Variants in RUNDC3B observed in about 807,000 individuals in gnomAD.
RUNDC3B encodes the protein RUN domain containing 3B, also known as RUN domain-containing protein 3B.
In RUNDC3B, 33 loss-of-function variants were observed where a neutral mutation model predicts 58.4. The observed-to-expected ratio is 0.56, with a 90% CI of 0.43 to 0.75. The LOEUF (loss-of-function observed/expected upper bound fraction) is 0.75, where lower values mean the gene tolerates loss of function less well. Ranked by LOEUF, RUNDC3B falls within the 30% of genes least tolerant of loss-of-function variation. The pLI is 0.00. For synonymous variants in RUNDC3B, 193 were observed against 195.2 expected (o/e 0.99, Z 0.10); for missense variants, 501 against 535.7 (o/e 0.94, Z 0.64).
chr7:87,678,637 A>T (rs1017227498), intron 2 of RUNDC3B, among the ~76,000 whole-genome samples: 1 of 152,238 alleles, frequency 6.6e-6, no homozygotes, highest in Non-Finnish European at 1.5e-5. Context: ...TAAGCACTCC[A>T]ATTAAAAGAG....
At chr7:87,768,466 CACA>C (rs780358031) in intron 6 of RUNDC3B, among the ~76,000 whole-genome samples, 2 of 152,242 alleles carry the variant, frequency 1.3e-5, no homozygotes, top group Non-Finnish European at 2.9e-5. Context: ...CCTGAATCTG[CACA>C]ACGAGTATCG....
intron 4 of RUNDC3B, among the ~76,000 whole-genome samples, chr7:87,715,549 A>G (rs1269898208): frequency 7.2e-6 from 1 of 139,096 alleles, no homozygotes. Context: ...TAATATATTA[A>G]TATAATATAT....
chr7:87,705,613 A>T (rs1396143618), intron 3 of RUNDC3B, among the ~76,000 whole-genome samples: 1 of 152,154 alleles, frequency 6.6e-6, no homozygotes, highest in African/African-American at 2.4e-5. Flanking sequence ...TATTTCTGTC[A>T]TATGCAGGTG....
chr7:87,815,405 G>A (rs748479575), intron 9 of RUNDC3B, among the ~76,000 whole-genome samples: 8 of 152,078 alleles, frequency 5.3e-5, no homozygotes, highest in Non-Finnish European at 1.0e-4. Flanking sequence ...TATGTAAAAT[G>A]TAACACCAAA....
intron 2 of RUNDC3B, among the ~76,000 whole-genome samples, chr7:87,674,154 C>T (rs925618783): frequency 3.3e-5 from 5 of 152,180 alleles, no homozygotes; most frequent in African/African-American, 4.8e-5. Flanking sequence ...ACCACTTCAT[C>T]GAGGTGGTGG....
chr7:87,703,913 G>GTTTTTTTTTTTTTTTTTTTTTTTTTTTT (rs1829340053), intron 3 of RUNDC3B, among the ~76,000 whole-genome samples: 1 of 31,286 alleles, frequency 3.2e-5, no homozygotes, highest in Non-Finnish European at 6.0e-5. Flanking sequence ...TTTTTTTTTT[G>GTTTTTTTTTTTTTTTTTTTTTTTTTTTT]GTTTTTTTTT....
chr7:87,807,171 C>G (rs1836479247), intron 8 of RUNDC3B, among the ~76,000 whole-genome samples: 1 of 151,844 alleles, frequency 6.6e-6, no homozygotes, highest in Admixed American at 6.6e-5. Context: ...TTTGTTGTAA[C>G]CAGCGGAAAA....
intron 2 of RUNDC3B, among the ~76,000 whole-genome samples, chr7:87,680,621 C>A (rs1444641461): frequency 6.7e-6 from 1 of 149,972 alleles, no homozygotes; most frequent in East Asian, 2.0e-4. Context: ...GGTGAAACCC[C>A]GTTTCTACCA....
chr7:87,646,732 G>A lies in RUNDC3B; in HGVS notation c.123-4090G>A, dbSNP rs535320880. The stretch of plus-strand genomic sequence containing the variant: ...CTGTACTTATTATTTCTTATTAAAA[G>A]TTTGCCAGGGATTGGCAGCATTATT... On this transcript the variant is annotated intron_variant, in intron 1 of 10. Coordinates refer to ENST00000394654, the MANE Select transcript of RUNDC3B (RefSeq NM_001134405.2). Among the ~76,000 whole-genome samples the A allele has an allele frequency of 5.9e-5, 9 of 152,118 alleles. No homozygotes were observed. The East Asian group carries it at 1.5e-3, about 26-fold the overall frequency.
chr7:87,723,429 T>A (rs1456499860), intron 4 of RUNDC3B, among the ~76,000 whole-genome samples: 1 of 152,186 alleles, frequency 6.6e-6, no homozygotes, highest in Non-Finnish European at 1.5e-5. Context: ...AGTAAATAAG[T>A]TATAACTACC....
In RUNDC3B at chr7:87,688,178, T is replaced by C. The variant is rs2130629333; in HGVS notation, c.239-12243T>C. Among the ~76,000 whole-genome samples the C allele has an allele frequency of 1.3e-5, 2 of 152,228 alleles. 1 individual carries two copies. ...GGAAAGGTGAAGCAGATATTGTATC[T>C]CAGAAAATCATCGTATTCATGTAAT... On this transcript the variant is annotated intron_variant, in intron 2 of 10. Transcript: ENST00000394654.
chr7:87,791,664 A>G (rs80092582), intron 8 of RUNDC3B, among the ~76,000 whole-genome samples: 4,536 of 152,162 alleles, frequency 0.03, 64 homozygotes, highest in Middle Eastern at 0.048. Flanking sequence ...AATGGGTTAT[A>G]AGACAGAATT....
intron 2 of RUNDC3B, among the ~76,000 whole-genome samples, chr7:87,680,367 GA>G (rs1461983063): frequency 6.6e-6 from 1 of 150,802 alleles, no homozygotes; most frequent in African/African-American, 2.5e-5. Context: ...TGAACTGAAT[GA>G]AAAACTAAAA....
chr7:87,714,201 C>T (rs1051630159), intron 4 of RUNDC3B, among the ~76,000 whole-genome samples: 19 of 152,186 alleles, frequency 1.2e-4, no homozygotes, highest in African/African-American at 4.6e-4. Context: ...ACGGGGCTCT[C>T]TCTTTGTTCT....
intron 8 of RUNDC3B, among the ~76,000 whole-genome samples, chr7:87,779,493 T>C (rs555269676): frequency 1.8e-4 from 27 of 152,320 alleles, no homozygotes; most frequent in Admixed American, 8.5e-4. Flanking sequence ...CAGAGGCACA[T>C]AGTCTGTTGG....
intron 10 of RUNDC3B, among the ~76,000 whole-genome samples, chr7:87,819,079 A>C (rs1837251429): frequency 6.6e-6 from 1 of 152,174 alleles, no homozygotes; most frequent in African/African-American, 2.4e-5. Context: ...ATATTCTGCT[A>C]TGCCAGTCCA....
At chr7:87,738,710 T>C (rs1832136940) in intron 4 of RUNDC3B, among the ~76,000 whole-genome samples, 1 of 152,006 alleles carries the variant, frequency 6.6e-6, no homozygotes, top group African/African-American at 2.4e-5. Flanking sequence ...TTTAAACTTT[T>C]CCTGATGGTA....
At chr7:87,731,295 A>G (rs1366103095) in intron 4 of RUNDC3B, among the ~76,000 whole-genome samples, 2 of 152,234 alleles carry the variant, frequency 1.3e-5, no homozygotes, top group African/African-American at 4.8e-5. Flanking sequence ...ATATAAAACA[A>G]TAAATTAAGG....
intron 6 of RUNDC3B, among the ~76,000 whole-genome samples, chr7:87,747,756 G>A (rs547725724): frequency 2.0e-5 from 3 of 152,166 alleles, no homozygotes; most frequent in Admixed American, 6.5e-5. Context: ...GATTGTCAGG[G>A]AAGTGGGGGA....
Sources: gnomAD v4.1 joint callset for allele counts (sites outside exome capture counted in the v4.1 genomes callset) on GRCh38, gnomAD v4.1.1 for gene constraint, MANE v1.5 for transcripts, NCBI Gene and HGNC (gene_info 2026-07-23, HGNC 2026-07-21) for gene names.